The following MGA variants were observed in gnomAD, a reference collection of about 807,000 sequenced individuals.
MGA encodes the protein MAX dimerization protein MGA, also known as MAX gene-associated protein.
MGA carries 40 observed loss-of-function variants against 261.1 expected under a neutral mutation model. The ratio of observed to expected loss-of-function variants is 0.15; its 90% CI spans 0.12 to 0.20. The LOEUF (loss-of-function observed/expected upper bound fraction) is 0.20. Ranked by LOEUF, MGA falls within the 10% of genes least tolerant of loss-of-function variation. MGA has a pLI of 1.00. For synonymous variants in MGA, 1,302 were observed against 1,290.6 expected, an observed-to-expected ratio of 1.01 and a Z score of -0.19; for missense variants, 3,397 against 3,630.5, an observed-to-expected ratio of 0.94 and a Z score of 1.65.
chr15:41,666,877 G>A (rs1032844439), intron 1 of MGA, among the ~76,000 whole-genome samples: 2 of 152,150 alleles, frequency 1.3e-5, no homozygotes, highest in Non-Finnish European at 1.5e-5. Flanking sequence ...GTCCTATAGT[G>A]GGTTTTAACA....
intron 2 of MGA, among the ~76,000 whole-genome samples, chr15:41,687,346 AT>A (rs1271292138): frequency 6.6e-6 from 1 of 151,994 alleles, no homozygotes; most frequent in Admixed American, 6.5e-5. Context: ...TAAAGTTCAA[AT>A]TTCAGTGTCC....
At chr15:41,632,411 G>A (rs1361403969) in intron 1 of MGA, among the ~76,000 whole-genome samples, 1 of 152,174 alleles carries the variant, frequency 6.6e-6, no homozygotes, top group Non-Finnish European at 1.5e-5. Flanking sequence ...ACAGCACCCA[G>A]AACCAACATC....
At chr15:41,685,195 C>G (rs1332594547) in intron 2 of MGA, among the ~76,000 whole-genome samples, 1 of 152,156 alleles carries the variant, frequency 6.6e-6, no homozygotes, top group East Asian at 1.9e-4. Context: ...TGGCTAGGTG[C>G]TCTAGCATCA....
chr15:41,721,329 G>A (rs2060927749), intron 9 of MGA, among the ~76,000 whole-genome samples: 1 of 152,176 alleles, frequency 6.6e-6, no homozygotes, highest in Non-Finnish European at 1.5e-5. Flanking sequence ...TTAGCCAGGT[G>A]TGATAGGGTG....
intron 1 of MGA, among the ~76,000 whole-genome samples, chr15:41,651,478 A>G (rs1424287166): frequency 6.6e-6 from 1 of 152,016 alleles, no homozygotes; most frequent in Non-Finnish European, 1.5e-5. Flanking sequence ...AGTCAGCTGA[A>G]AAGTCTCCTC....
chr15:41,655,975 C>T (rs1385896245), upstream of MGA, among the ~76,000 whole-genome samples: 1 of 152,100 alleles, frequency 6.6e-6, no homozygotes. Context: ...TTTATTTATT[C>T]AACAAATATG....
chr15:41,667,433 A>G (rs978856099), intron 1 of MGA, among the ~76,000 whole-genome samples: 2 of 152,074 alleles, frequency 1.3e-5, no homozygotes, highest in African/African-American at 2.4e-5. Flanking sequence ...TTTAGTAGAG[A>G]CAGGGTTTCA....
chr15:41,668,440 G>C (rs1595630536), intron 1 of MGA, among the ~76,000 whole-genome samples: 2 of 152,048 alleles, frequency 1.3e-5, no homozygotes, highest in African/African-American at 4.8e-5. Flanking sequence ...CTATATAAAG[G>C]AATCTTCTGG....
Position 41,750,599 on chromosome 15 carries a change from TTGA to T in MGA, c.6998_7000del (p.Asp2333del). On this transcript the variant is annotated inframe_deletion, in exon 17 of 24. Transcript: ENST00000219905. ...GTTTCTGACTACCAGAGTGAGGAGG[TTGA>T]TGATGTAGAAAAGGTGGTGAGCCCA... 9 of 1,607,020 alleles carry T rather than the reference TTGA, an allele frequency of 5.6e-6. No homozygotes were observed. The highest frequency in any genetic ancestry group is 1.3e-5 in the African/African-American group (1 of 74,986).
intron 15 of MGA, among the ~76,000 whole-genome samples, 164 bp from the exon 16 acceptor site, chr15:41,748,469 ACTTG>A (rs1408629947): frequency 6.6e-6 from 1 of 152,070 alleles, no homozygotes; most frequent in African/African-American, 2.4e-5. Flanking sequence ...TGGAAGAATC[ACTTG>A]AACTAGGGAG....
At chr15:41,701,040 A>G (rs555735668) in intron 5 of MGA, among the ~76,000 whole-genome samples, 5 of 152,326 alleles carry the variant, frequency 3.3e-5, no homozygotes, top group East Asian at 1.9e-4. Context: ...CAGTCAATCA[A>G]TGTGGGCTGA....
intron 2 of MGA, among the ~76,000 whole-genome samples, chr15:41,685,277 G>T (rs2058894838): frequency 6.6e-6 from 1 of 152,152 alleles, no homozygotes; most frequent in African/African-American, 2.4e-5. Context: ...ATGCGCACAG[G>T]TAGGTTTATT....
intron 15 of MGA, among the ~76,000 whole-genome samples, chr15:41,747,151 C>A (rs2062549931): frequency 6.6e-6 from 1 of 152,092 alleles, no homozygotes; most frequent in Non-Finnish European, 1.5e-5. Context: ...ACATCTTTTG[C>A]CTCTTCTAAG....
At chr15:41,647,943 C>T (rs2056966766) in intron 1 of MGA, among the ~76,000 whole-genome samples, 1 of 152,178 alleles carries the variant, frequency 6.6e-6, no homozygotes, top group South Asian at 2.1e-4. Context: ...TCCATGGATT[C>T]CCTGTGGTAT....
intron 1 of MGA, chr15:41,621,438 C>T (rs1041484431): frequency 2.0e-5 from 3 of 152,284 alleles, no homozygotes; most frequent in Non-Finnish European, 4.4e-5. Context: ...GCTTCGAGCT[C>T]GGTGCCAGGT....
chr15:41,643,263 C>T (rs559789243), intron 1 of MGA, among the ~76,000 whole-genome samples: 8 of 142,556 alleles, frequency 5.6e-5, no homozygotes, highest in East Asian at 2.1e-4. Context: ...TTTTTTGAGA[C>T]GGAGTCTCAC....
At chr15:41,671,677 G>T (rs2058068661) in intron 2 of MGA, among the ~76,000 whole-genome samples, 1 of 152,124 alleles carries the variant, frequency 6.6e-6, no homozygotes, top group South Asian at 2.1e-4. Flanking sequence ...CAAAAGTAAA[G>T]AAATCCCTGC....
chr15:41,736,117 A>T (rs1002318652), intron 12 of MGA, 64 bp from the exon 13 acceptor site: 11 of 1,329,426 alleles, frequency 8.3e-6, no homozygotes, highest in Non-Finnish European at 9.9e-6. Context: ...AGAGTTTCAT[A>T]CAAAATGCTG....
In MGA at chr15:41,696,148, G is replaced by A. The variant is rs2059542845; in HGVS notation, c.1138G>A (p.Val380Ile). Residue 380 changes from valine (V) to isoleucine (I), a missense_variant, in exon 3 of 24, where the codon GTT (valine) becomes ATT (isoleucine). Val to Ile is a conservative substitution (Grantham distance 29, BLOSUM62 3). This residue lies in a region of MGA where 563 missense variants were observed against 563.6 expected (regional missense o/e 1.00). Transcript: ENST00000219905. ...AGACCAGAACGGAAGCTTCAATGTT[G>A]TTATTAAAGAGGAACCTCTAGATGA... 2 of 1,613,816 alleles carry A rather than the reference G, an allele frequency of 1.2e-6. No individual in the cohort carries two copies. Among genetic ancestry groups the A allele is most frequent in the South Asian group, 2.2e-5 (2 of 91,078 alleles).
Sources: gnomAD v4.1 joint callset for allele counts (sites outside exome capture counted in the v4.1 genomes callset) on GRCh38, gnomAD v4.1.1 for gene constraint, gnomAD v4.1.1 regional missense constraint, MANE v1.5 for transcripts, NCBI Gene and HGNC (gene_info 2026-07-23, HGNC 2026-07-21) for gene names.